APC: variants seen among roughly 807,000 people sequenced by gnomAD.
APC encodes adenomatous polyposis coli protein.
In APC, 72 loss-of-function variants were observed where a neutral mutation model predicts 247.0. The observed-to-expected ratio is 0.29, with a 90% CI of 0.24 to 0.35. The LOEUF is 0.35. APC is among the 10% of genes least tolerant of loss of function. The pLI is 1.00. For missense variants in APC, 3,400 were observed against 3,360.7 expected (o/e 1.01, Z -0.29); for synonymous variants, 1,254 against 1,162.5 (o/e 1.08, Z -1.60).
At chr5:112,764,074 A>C (rs1755980589) in intron 2 of APC, among the ~76,000 whole-genome samples, 1 of 65,730 alleles carries the variant, frequency 1.5e-5, no homozygotes, top group African/African-American at 4.0e-5. Context: ...CGTCTCTACT[A>C]TACTAAAAAA....
Position 112,838,044 on chromosome 5 carries a change from G to T in APC, c.2450G>T (p.Gly817Val), listed in dbSNP as rs1421356952. 1 of 1,613,912 alleles carries T rather than the reference G, an allele frequency of 6.2e-7. No individual in the cohort carries two copies. Among genetic ancestry groups the T allele is most frequent in the Admixed American group, 1.7e-5 (1 of 59,996 alleles). The change falls in exon 16 of 16, where the codon GGC becomes GTC. Residue 817 changes from glycine to valine, a missense_variant. Physicochemically the swap from Gly to Val is moderately radical, Grantham distance 109 (BLOSUM62 -3). This residue lies in a region of APC where 715 missense variants were observed against 656.6 expected (regional missense o/e 1.09). Transcript: ENST00000257430. ...AATAGGTCAGACAATTTTAATACTG[G>T]CAACATGACTGTCCTTTCACCATAT... Reference protein sequence around the residue: ...DDNRSDNFNTGNMTVLSPYLN... With the variant: ...DDNRSDNFNTVNMTVLSPYLN...
chr5:112,753,812 A>T (rs939194626), intron 1 of APC, among the ~76,000 whole-genome samples: 2 of 152,132 alleles, frequency 1.3e-5, no homozygotes, highest in African/African-American at 4.8e-5. Flanking sequence ...TTACAGAGGC[A>T]TTTTTTTAAT....
At chr5:112,743,281 A>G (rs1753254333) in intron 1 of APC, among the ~76,000 whole-genome samples, 1 of 152,186 alleles carries the variant, frequency 6.6e-6, no homozygotes, top group Non-Finnish European at 1.5e-5. Flanking sequence ...TAATCCAGGA[A>G]AATCAGCTTC....
At position 112,835,010 on chromosome 5, in the gene APC, G is replaced by C. The variant is rs1447250546; in HGVS notation, c.1803G>C (p.Glu601Asp). The change falls in exon 15 of 16, where the codon GAG becomes GAC. Residue 601 changes from glutamate to aspartate, a missense_variant. By Grantham distance (45) the Glu-to-Asp change is conservative (BLOSUM62 2). Around this residue, in one of 9 missense-constraint regions of APC, gnomAD observed 184 missense variants for 248.0 expected, o/e 0.74. Transcript: ENST00000257430. ...ALWNLSAHCT[E>D]NKADICAVDG... ...GGAATTTGTCAGCACATTGCACTGA[G>C]AATAAAGCTGATATATGTGCTGTAG... The C allele has an allele frequency of 6.2e-7, 1 of 1,613,964 alleles. No homozygotes were observed. The highest frequency in any genetic ancestry group is 2.2e-5 in the East Asian group (1 of 44,884).
chr5:112,708,213 C>T (rs543185762), intron 1 of APC, among the ~76,000 whole-genome samples: 2 of 152,360 alleles, frequency 1.3e-5, no homozygotes, highest in South Asian at 2.1e-4. Context: ...GCTTCCCCAT[C>T]TTCCTCGTTT....
chr5:112,775,883 T>G, intron 5 of APC, 146 bp downstream of exon 5: 1 of 490,106 alleles, frequency 2.0e-6, no homozygotes. Context: ...GGCCTGAATA[T>G]ATAATAGTTA....
upstream of APC, among the ~76,000 whole-genome samples, chr5:112,734,712 T>G (rs1307474947): frequency 1.3e-5 from 2 of 152,146 alleles, no homozygotes; most frequent in Non-Finnish European, 2.9e-5. Flanking sequence ...TTGTCAGTTT[T>G]TTAAACCAAA....
In APC at chr5:112,844,613, C is replaced by G. The variant is rs1561625415; in HGVS notation, c.*487C>G. The G allele has an allele frequency of 4.3e-6, 1 of 234,206 alleles. No homozygotes were observed. Among genetic ancestry groups the G allele is most frequent in the African/African-American group, 2.2e-5 (1 of 45,214 alleles). 14.5% of individuals were successfully genotyped at this position (234,206 alleles called of 1,614,324 possible). On this transcript the variant is annotated 3_prime_UTR_variant, in exon 16 of 16. Transcript: ENST00000257430. ...CTGTGAAATTCACAGTAATATGGTT[C>G]CCGATGAACAAGTTTACCCAGCCTG...
intron 7 of APC, 62 bp downstream of exon 7, chr5:112,792,591 A>G: frequency 8.3e-7 from 1 of 1,207,706 alleles, no homozygotes; most frequent in East Asian, 2.4e-5. Flanking sequence ...GAGAAAAGAA[A>G]ACATGTATAA....
intron 1 of APC, among the ~76,000 whole-genome samples, chr5:112,728,494 G>A (rs1751924248): frequency 6.6e-6 from 1 of 152,074 alleles, no homozygotes. Flanking sequence ...CCAAAATATT[G>A]GACATCCCTG....
At chr5:112,823,139 GA>G (rs1763309604) in intron 11 of APC, among the ~76,000 whole-genome samples, 1 of 152,128 alleles carries the variant, frequency 6.6e-6, no homozygotes, top group Non-Finnish European at 1.5e-5. Flanking sequence ...ACAGGAAGGG[GA>G]TAAAAAATAA....
chr5:112,793,265 C>T (rs1759842985), intron 7 of APC, among the ~76,000 whole-genome samples: 2 of 151,976 alleles, frequency 1.3e-5, no homozygotes, highest in Non-Finnish European at 2.9e-5. Context: ...AGGGGTCAAC[C>T]TTGTTTAATT....
In APC at chr5:112,801,321, G is replaced by A. The variant is rs774604680; in HGVS notation, c.772G>A (p.Glu258Lys). 1.2e-6 allele frequency: 2 copies of A among 1,613,122 alleles called. No homozygotes were observed. The highest frequency in any genetic ancestry group is 1.7e-5 in the Admixed American group (1 of 59,976). The change falls in exon 8 of 16, where the codon GAG (glutamate) becomes AAG (lysine). Residue 258 changes from glutamate to lysine, a missense_variant. Glu to Lys is a moderately conservative substitution (Grantham distance 56). Transcript: ENST00000257430. ...NKHETGSHDAERQNEGQGVGE... is the reference protein window; with the variant it reads ...NKHETGSHDAKRQNEGQGVGE... ...GCATGAAACCGGCTCACATGATGCT[G>A]AGCGGCAGAATGAAGGTCAAGGAGT...
chr5:112,737,978 T>G lies in APC; in HGVS notation c.-19+53T>G, dbSNP rs80313086. On this transcript the variant is annotated intron_variant, in intron 1 of 15. Coordinates refer to ENST00000257430, the MANE Select transcript of APC (RefSeq NM_000038.6). ...CTTGCTGCGGGGGGAGGGGGGAAGG[T>G]GGTTTTCCCTCGCACTGTCTTAAAC... The G allele has an allele frequency of 3.2e-6, 3 of 948,948 alleles. No individual in the cohort carries two copies. Among genetic ancestry groups the G allele is most frequent in the African/African-American group, 1.8e-5 (1 of 56,408 alleles). The allele number at this position is 948,948 out of a possible 1,614,324, so 58.8% of individuals were successfully genotyped here. A position where few individuals can be genotyped will look rare whatever the true frequency, so the allele number is the denominator to read the frequency against.
chr5:112,817,862 G>T (rs903594156), intron 9 of APC, among the ~76,000 whole-genome samples: 1 of 152,124 alleles, frequency 6.6e-6, no homozygotes, highest in African/African-American at 2.4e-5. Context: ...CTCCTAAGAG[G>T]TGGAGCCAAA....
chr5:112,782,668 T>G (rs1266009578), intron 6 of APC, among the ~76,000 whole-genome samples: 1 of 152,214 alleles, frequency 6.6e-6, no homozygotes, highest in Non-Finnish European at 1.5e-5. Context: ...AGTAAAACTT[T>G]AAACCTTTCA....
At chr5:112,762,077 A>G (rs528873012) in intron 2 of APC, among the ~76,000 whole-genome samples, 4 of 152,224 alleles carry the variant, frequency 2.6e-5, no homozygotes, top group Non-Finnish European at 5.9e-5. Context: ...AGTTTTTAAA[A>G]TGTGACCCAG....
chr5:112,755,006 C>G lies in APC; in HGVS notation c.116C>G (p.Thr39Ser), dbSNP rs1561445008. The stretch of plus-strand genomic sequence containing the variant: ...TCCAATCATCTTACAAAACTGGAAA[C>G]TGAGGCATCTAATATGAAGGTATCA... ...DNSNHLTKLE[T>S]EASNMKEVLK... The change falls in exon 2 of 16, where the codon ACT (threonine) becomes AGT (serine). Residue 39 changes from threonine to serine, a missense_variant. This residue lies in a region of APC where 372 missense variants were observed against 367.6 expected (regional missense o/e 1.01). Transcript: ENST00000257430. 2 of 1,613,704 alleles carry G rather than the reference C, an allele frequency of 1.2e-6. No individual in the cohort carries two copies. The highest frequency in any genetic ancestry group is 1.7e-6 in the Non-Finnish European group (2 of 1,179,712).
rs1309032261 is a variant in APC, at chr5:112,826,594, AAAAAAAAC to A, written c.1409-509_1409-502del. ...CAGATGATCATTTTTTGTAAAAAAA[AAAAAAAAC>A]AAAACTTTTTAGTTTTTCTTCATGC... On this transcript the variant is annotated intron_variant, in intron 11 of 15. Transcript: ENST00000257430. Among the ~76,000 whole-genome samples, 562 of 122,202 alleles carry A rather than the reference AAAAAAAAC, an allele frequency of 4.6e-3. 5 individuals are homozygous for A. The highest frequency in any genetic ancestry group is 0.015 in the African/African-American group (540 of 35,966). The allele number at this position is 122,202 out of a possible 152,430, so 80.2% of individuals were successfully genotyped here.
Sources: gnomAD v4.1 joint callset for allele counts (sites outside exome capture counted in the v4.1 genomes callset) on GRCh38, gnomAD v4.1.1 for gene constraint, gnomAD v4.1.1 regional missense constraint, MANE v1.5 for transcripts, NCBI Gene and HGNC (gene_info 2026-07-23, HGNC 2026-07-21) for gene names.